Variants in ANKS1B observed in about 807,000 individuals in gnomAD.
ANKS1B encodes ankyrin repeat and sterile alpha motif domain-containing protein 1B.
ANKS1B carries 36 observed loss-of-function variants against 148.3 expected under a neutral mutation model. That is an observed-to-expected ratio of 0.24 (90% confidence interval 0.19 to 0.32). The LOEUF (loss-of-function observed/expected upper bound fraction) is 0.32. Ranked by LOEUF, ANKS1B falls within the 10% of genes least tolerant of loss-of-function variation. The pLI is 1.00. For missense variants in ANKS1B, 1,157 were observed against 1,542.6 expected (o/e 0.75, Z 4.19); for synonymous variants, 542 against 560.8 (o/e 0.97, Z 0.47).
chr12:99,797,851 G>A (rs1187543795), intron 4 of ANKS1B, among the ~76,000 whole-genome samples: 3 of 151,926 alleles, frequency 2.0e-5, no homozygotes, highest in East Asian at 1.9e-4. Context: ...AAGATAAGTC[G>A]CAAGCAAAAG....
At chr12:99,308,905 T>C (rs2082730988) in intron 12 of ANKS1B, among the ~76,000 whole-genome samples, 1 of 149,206 alleles carries the variant, frequency 6.7e-6, no homozygotes, top group Non-Finnish European at 1.5e-5. Flanking sequence ...ATATATATAG[T>C]ATATATGTAT....
chr12:99,788,836 G>A (rs772029004), intron 4 of ANKS1B, among the ~76,000 whole-genome samples: 12 of 152,112 alleles, frequency 7.9e-5, no homozygotes, highest in African/African-American at 2.4e-4. Context: ...AAGAACCCTC[G>A]TGGACCAGAA....
At chr12:99,486,784 C>T (rs776534457) in intron 10 of ANKS1B, among the ~76,000 whole-genome samples, 5 of 152,250 alleles carry the variant, frequency 3.3e-5, no homozygotes, top group East Asian at 3.9e-4. Flanking sequence ...CTATGCAGAT[C>T]GGATAGGCAC....
At chr12:99,474,489 C>T (rs903513194) in intron 10 of ANKS1B, among the ~76,000 whole-genome samples, 8 of 151,898 alleles carry the variant, frequency 5.3e-5, no homozygotes, top group African/African-American at 1.9e-4. Context: ...AAAAACCAAA[C>T]ATGGGGCTAA....
intron 11 of ANKS1B, among the ~76,000 whole-genome samples, chr12:99,411,196 G>A (rs1053751722): frequency 1.3e-5 from 2 of 152,300 alleles, no homozygotes; most frequent in Admixed American, 1.3e-4. Context: ...TGGGCCAGGA[G>A]CACCAGGGTT....
chr12:99,228,265 C>T (rs1025767311), intron 14 of ANKS1B, among the ~76,000 whole-genome samples: 14 of 151,804 alleles, frequency 9.2e-5, no homozygotes, highest in African/African-American at 2.9e-4. Flanking sequence ...ATGAAGTTCA[C>T]GAATGCAATT....
intron 11 of ANKS1B, among the ~76,000 whole-genome samples, chr12:99,432,364 C>T (rs991622668): frequency 2.6e-5 from 4 of 152,172 alleles, no homozygotes; most frequent in African/African-American, 7.2e-5. Context: ...GCCCTTTCCC[C>T]AACTATTCTT....
At chr12:99,132,278 C>A (rs1010771955) in intron 15 of ANKS1B, among the ~76,000 whole-genome samples, 7 of 152,056 alleles carry the variant, frequency 4.6e-5, no homozygotes. Flanking sequence ...GGTGCATTGG[C>A]AAGCGGGGAT....
At chr12:98,788,229 A>AC (rs200341488) in intron 22 of ANKS1B, among the ~76,000 whole-genome samples, 1,701 of 146,762 alleles carry the variant, frequency 0.012, 14 homozygotes, top group Middle Eastern at 0.063. Flanking sequence ...ACATGGTGAA[A>AC]CCCCCCATCT....
intron 10 of ANKS1B, among the ~76,000 whole-genome samples, chr12:99,483,469 T>C (rs1380318410): frequency 6.6e-6 from 1 of 151,908 alleles, no homozygotes; most frequent in Non-Finnish European, 1.5e-5. Context: ...TTTTTTTTGT[T>C]GTGTCCTTCC....
chr12:99,100,480 A>G (rs2057609178), intron 15 of ANKS1B, among the ~76,000 whole-genome samples: 1 of 152,236 alleles, frequency 6.6e-6, no homozygotes, highest in African/African-American at 2.4e-5. Context: ...GCTCAAAGTC[A>G]CTGGGGGAGG....
chr12:98,984,057 G>C (rs1286063271), intron 17 of ANKS1B, among the ~76,000 whole-genome samples: 1 of 152,198 alleles, frequency 6.6e-6, no homozygotes, highest in Admixed American at 6.5e-5. Flanking sequence ...TGGATCTCCT[G>C]TGGATATCAC....
intron 9 of ANKS1B, among the ~76,000 whole-genome samples, chr12:99,639,447 T>C (rs1470886799): frequency 6.6e-6 from 1 of 152,038 alleles, no homozygotes; most frequent in African/African-American, 2.4e-5. Context: ...AAAGGCATAA[T>C]TGATTTGAAA....
Position 98,794,524 on chromosome 12 carries a change from C to T in ANKS1B, c.3342+4410G>A, listed in dbSNP as rs138781690. 2,250 of 623,650 alleles carry T rather than the reference C, an allele frequency of 3.6e-3. 35 individuals carry two copies. The highest frequency in any genetic ancestry group is 0.034 in the African/African-American group (1,891 of 55,378). The allele number at this position is 623,650 out of a possible 1,614,324, so 38.6% of individuals were successfully genotyped here. A position where few individuals can be genotyped will look rare whatever the true frequency, so the allele number is the denominator to read the frequency against. ...GTGTTATTTCTGTCTGGGGCCCATC[C>T]ACCCTGGCCATGGCAAGATGTTCAT... On this transcript the variant is annotated intron_variant, in intron 22 of 26. Transcript: ENST00000683438.
chr12:99,916,409 T>A (rs904678784), intron 1 of ANKS1B, among the ~76,000 whole-genome samples: 31 of 152,308 alleles, frequency 2.0e-4, no homozygotes, highest in African/African-American at 7.0e-4. Context: ...GTAAGAGCAT[T>A]TGGAAGCCAG....
intron 12 of ANKS1B, among the ~76,000 whole-genome samples, chr12:99,391,487 C>T (rs1394916118): frequency 2.0e-5 from 3 of 152,188 alleles, no homozygotes; most frequent in Non-Finnish European, 2.9e-5. Flanking sequence ...CCTTGGCCTA[C>T]TTAATTCTTC....
chr12:99,589,654 G>T (rs1476259420), intron 9 of ANKS1B, among the ~76,000 whole-genome samples: 1 of 152,102 alleles, frequency 6.6e-6, no homozygotes, highest in Non-Finnish European at 1.5e-5. Context: ...CCATTTTTCT[G>T]AGCAAATATA....
intron 9 of ANKS1B, among the ~76,000 whole-genome samples, chr12:99,541,787 G>A (rs1014677113): frequency 4.6e-5 from 7 of 151,816 alleles, no homozygotes; most frequent in African/African-American, 1.2e-4. Context: ...CCTGCGGAGC[G>A]GAGGTTGCAG....
intron 12 of ANKS1B, among the ~76,000 whole-genome samples, chr12:99,254,338 A>G (rs2075005246): frequency 6.6e-6 from 1 of 152,212 alleles, no homozygotes; most frequent in Non-Finnish European, 1.5e-5. Flanking sequence ...AAGTCAAAAC[A>G]ATTTTCAGAC....
Sources: allele counts gnomAD v4.1 joint callset (sites outside exome capture counted in the v4.1 genomes callset), GRCh38; gene constraint gnomAD v4.1.1; transcripts MANE v1.5; gene names NCBI Gene and HGNC (gene_info 2026-07-23, HGNC 2026-07-21).